The following RUNX1 variants were observed in gnomAD, a reference collection of about 807,000 sequenced individuals.
RUNX1 encodes the protein runt-related transcription factor 1.
Under a neutral mutation model 42.8 loss-of-function variants are expected in RUNX1, and 19 were observed. That is an observed-to-expected ratio of 0.44 (90% CI 0.31 to 0.65). The LOEUF is 0.65. Ranked by LOEUF, RUNX1 falls within the 30% of genes least tolerant of loss-of-function variation. RUNX1 has a pLI of 0.07. For missense variants in RUNX1, 528 were observed against 672.0 expected (o/e 0.79, Z 2.37); for synonymous variants, 271 against 289.4 (o/e 0.94, Z 0.64).
At chr21:34,808,021 A>G (rs1405706440) in intron 7 of RUNX1, among the ~76,000 whole-genome samples, 3 of 152,212 alleles carry the variant, frequency 2.0e-5, no homozygotes, top group Admixed American at 1.3e-4. Flanking sequence ...GCAGTCACCT[A>G]TTCCTACTAC....
At chr21:34,809,531 C>T (rs2056729393) in intron 7 of RUNX1, among the ~76,000 whole-genome samples, 1 of 152,022 alleles carries the variant, frequency 6.6e-6, no homozygotes, top group South Asian at 2.1e-4. Context: ...GAAGAACACT[C>T]CATTGAGGTG....
intron 8 of RUNX1, chr21:34,798,034 C>T: frequency 2.2e-6 from 1 of 456,554 alleles, no homozygotes; most frequent in South Asian, 1.5e-5. Context: ...AGAAGGCATT[C>T]TGTGAAGCTC....
At chr21:34,834,255 A>T in intron 7 of RUNX1, 155 bp downstream of exon 7, 1 of 791,880 alleles carries the variant, frequency 1.3e-6, no homozygotes, top group Non-Finnish European at 2.2e-6. Flanking sequence ...CTGCATTTCC[A>T]ACAGCTCCCA....
rs2056432657 is a variant in RUNX1 at position 34,791,431 on chromosome 21, T to C, written c.*704A>G. On this transcript the variant is annotated 3_prime_UTR_variant, in exon 9 of 9. Coordinates refer to ENST00000675419, the MANE Select transcript of RUNX1 (RefSeq NM_001754.5). Reference sequence around the variant, plus strand: ...AAAATGACCCAAAGCTGTAGCTGTTTCTCAAAAAAACAAAACAAAACAAAA... The same window carrying C: ...AAAATGACCCAAAGCTGTAGCTGTTCCTCAAAAAAACAAAACAAAACAAAA... 1 of 231,768 alleles carries C rather than the reference T, an allele frequency of 4.3e-6. No individual in the cohort carries two copies. The highest frequency in any genetic ancestry group is 2.2e-5 in the African/African-American group (1 of 45,076). The allele number at this position is 231,768 out of a possible 1,614,324, so 14.4% of individuals were successfully genotyped here. A position where few individuals can be genotyped will look rare whatever the true frequency, so the allele number is the denominator to read the frequency against.
chr21:34,851,343 C>T (rs907165197), intron 6 of RUNX1, among the ~76,000 whole-genome samples: 2 of 152,202 alleles, frequency 1.3e-5, no homozygotes, highest in African/African-American at 2.4e-5. Flanking sequence ...AACGAACTTA[C>T]GGCTTTATTT....
At position 34,887,082 on chromosome 21, in the gene RUNX1, G is replaced by C; in HGVS notation, c.112C>G (p.Arg38Gly). Reference sequence around the variant, plus strand: ...GCGGTGGAAGGCGGCGTGAAGCGGCGGCTCGTGCTGGCATCTACGGGGATA... The same window carrying C: ...GCGGTGGAAGGCGGCGTGAAGCGGCCGCTCGTGCTGGCATCTACGGGGATA... ...SRDVHDASTS[R>G]RFTPPSTALS... Residue 38 changes from arginine (R) to glycine (G), a missense_variant, in exon 4 of 9, where the codon CGC (arginine) becomes GGC (glycine). Around this residue, in one of 3 missense-constraint regions of RUNX1, gnomAD observed 114 missense variants for 115.0 expected, o/e 0.99. Coordinates refer to ENST00000675419, the MANE Select transcript of RUNX1 (RefSeq NM_001754.5). 1 of 1,598,376 alleles carries C rather than the reference G, an allele frequency of 6.3e-7. No homozygotes were observed. The highest frequency in any genetic ancestry group is 8.5e-7 in the Non-Finnish European group (1 of 1,179,844).
Position 34,901,369 on chromosome 21 carries a change from G to A in RUNX1, c.59-8406C>T, listed in dbSNP as rs2058176085. Among the ~76,000 whole-genome samples the A allele has an allele frequency of 6.6e-6, 1 of 152,100 alleles. No individual in the cohort carries two copies. Among genetic ancestry groups the A allele is most frequent in the Admixed American group, 6.5e-5 (1 of 15,268 alleles). ...TACTGAAAATAAAAAAAGTAGCTGGGCGTGGTGGCGGCGCGTGCCTGTAGT... is the reference window on the plus strand; with the variant it reads ...TACTGAAAATAAAAAAAGTAGCTGGACGTGGTGGCGGCGCGTGCCTGTAGT... On this transcript the variant is annotated intron_variant, in intron 2 of 8. Transcript: ENST00000675419. The surrounding 1 kb of genome is among the most constrained non-coding windows in gnomAD (Gnocchi z 4.3).
rs138991571 is a variant in RUNX1, at chr21:34,856,214, TAGTC to T, written c.613+3256_613+3259del. The T allele has an allele frequency of 3.2e-3, 1,311 of 408,616 alleles. 13 individuals are homozygous for T. The highest frequency in any genetic ancestry group is 0.025 in the African/African-American group (1,196 of 48,716). The allele number at this position is 408,616 out of a possible 1,614,324, so 25.3% of individuals were successfully genotyped here. ...AGCTTCTCATTCTCAGTCCTTAACT[TAGTC>T]AGCGGAATGGCAGGTTGAATGGCAG... On this transcript the variant is annotated intron_variant, in intron 6 of 8. Coordinates refer to ENST00000675419, the MANE Select transcript of RUNX1 (RefSeq NM_001754.5).
intron 2 of RUNX1, among the ~76,000 whole-genome samples, chr21:34,958,230 C>T (rs1322107271): frequency 6.6e-6 from 1 of 152,156 alleles, no homozygotes; most frequent in East Asian, 1.9e-4. Context: ...CAGCTGTGTG[C>T]TTATGGCGAA....
chr21:34,898,584 A>C (rs1297523972), intron 2 of RUNX1, among the ~76,000 whole-genome samples: 1 of 152,118 alleles, frequency 6.6e-6, no homozygotes, highest in Non-Finnish European at 1.5e-5. Context: ...ACCGGAGAGC[A>C]GGGGTGTTTT....
At chr21:34,879,931 T>G (rs976485149) in intron 5 of RUNX1, among the ~76,000 whole-genome samples, 10 of 152,132 alleles carry the variant, frequency 6.6e-5, no homozygotes, top group African/African-American at 2.4e-4. Flanking sequence ...ATCTCTAATA[T>G]TATTAGTATC....
chr21:34,899,531 G>T (rs1423695019), intron 2 of RUNX1, among the ~76,000 whole-genome samples: 2 of 152,128 alleles, frequency 1.3e-5, no homozygotes, highest in Non-Finnish European at 2.9e-5. Context: ...AAGCCACCCA[G>T]TCTGTGGTAT....
chr21:34,949,675 G>A (rs868397931), intron 2 of RUNX1, among the ~76,000 whole-genome samples: 2 of 152,244 alleles, frequency 1.3e-5, no homozygotes, highest in African/African-American at 2.4e-5. Context: ...CCGCGCCAGC[G>A]AGGGCAGGCT....
chr21:35,026,823 CGGTGGCGCAGCTCTG>C (rs2059240782), intron 2 of RUNX1, among the ~76,000 whole-genome samples: 1 of 152,214 alleles, frequency 6.6e-6, no homozygotes. Flanking sequence ...GGAAGGGAGG[CGGTGGCGCAGCTCTG>C]GTGCGCAGCG....
intron 2 of RUNX1, among the ~76,000 whole-genome samples, chr21:34,914,812 AT>A (rs1475786076): frequency 6.6e-6 from 1 of 152,108 alleles, no homozygotes; most frequent in Non-Finnish European, 1.5e-5. Context: ...TGGCATTTGG[AT>A]CTGCATGTGT....
chr21:34,797,782 T>C (rs967559441), intron 8 of RUNX1, among the ~76,000 whole-genome samples: 1 of 152,250 alleles, frequency 6.6e-6, no homozygotes, highest in Non-Finnish European at 1.5e-5. Context: ...GTTTTCCTAT[T>C]TTACTGTACC....
intron 5 of RUNX1, among the ~76,000 whole-genome samples, chr21:34,862,364 A>G (rs915911612): frequency 6.6e-6 from 1 of 151,976 alleles, no homozygotes; most frequent in Admixed American, 6.6e-5. Context: ...GTTGCCTACA[A>G]CTCTAGCACC....
chr21:34,888,660 G>GCCCGT, intron 3 of RUNX1: 7 of 1,046,654 alleles, frequency 6.7e-6, no homozygotes, highest in Non-Finnish European at 8.1e-6. Flanking sequence ...GCCGCGGGGC[G>GCCCGT]CCCGTCCCGC....
At chr21:34,998,427 C>G (rs1378066793) in intron 2 of RUNX1, among the ~76,000 whole-genome samples, 1 of 152,186 alleles carries the variant, frequency 6.6e-6, no homozygotes, top group Non-Finnish European at 1.5e-5. Context: ...CCTTCATCCT[C>G]CTCCTCAGAG....
Sources: gnomAD v4.1 joint callset for allele counts (sites outside exome capture counted in the v4.1 genomes callset) on GRCh38, gnomAD v4.1.1 for gene constraint, gnomAD v4.1.1 regional missense constraint, Gnocchi (gnomAD v3.1) non-coding constraint, MANE v1.5 for transcripts, NCBI Gene and HGNC (gene_info 2026-07-23, HGNC 2026-07-21) for gene names.